TNRC6B: variants seen among roughly 807,000 people sequenced by gnomAD.
The protein encoded by TNRC6B is trinucleotide repeat containing adaptor 6B.
Under a neutral mutation model 203.6 loss-of-function variants are expected in TNRC6B, and 52 were observed. That is an observed-to-expected ratio of 0.26 (90% CI 0.20 to 0.32). TNRC6B has a LOEUF of 0.32. TNRC6B is among the 10% of genes least tolerant of loss of function. The pLI is 1.00. For synonymous variants in TNRC6B, 838 were observed against 845.7 expected (o/e 0.99, Z 0.16); for missense variants, 1,923 against 2,286.2 (o/e 0.84, Z 3.24).
intron 1 of TNRC6B, among the ~76,000 whole-genome samples, chr22:40,186,051 A>C (rs1182352637): frequency 6.6e-6 from 1 of 152,134 alleles, no homozygotes; most frequent in Non-Finnish European, 1.5e-5. Flanking sequence ...GTGGAGATAA[A>C]GACTTGGAAG....
chr22:40,298,232 T>C (rs992367200), intron 12 of TNRC6B, among the ~76,000 whole-genome samples: 25 of 152,336 alleles, frequency 1.6e-4, no homozygotes, highest in African/African-American at 5.3e-4. Flanking sequence ...TTAAATATTA[T>C]AGATTTTAAC....
intron 1 of TNRC6B, among the ~76,000 whole-genome samples, chr22:40,196,887 T>C (rs927015960): frequency 3.3e-5 from 5 of 152,068 alleles, no homozygotes; most frequent in African/African-American, 1.2e-4. Context: ...CTGCACACAC[T>C]TCCATTACCT....
intron 1 of TNRC6B, among the ~76,000 whole-genome samples, chr22:40,069,185 T>C (rs1378887286): frequency 2.0e-5 from 3 of 152,076 alleles, no homozygotes; most frequent in African/African-American, 7.3e-5. Context: ...GCATGCAGCC[T>C]CAAATTCGTG....
chr22:40,151,846 G>A (rs1468655301), intron 3 of TNRC6B, among the ~76,000 whole-genome samples: 2 of 143,168 alleles, frequency 1.4e-5, no homozygotes, highest in African/African-American at 2.7e-5. Context: ...CAAAAATGAA[G>A]AAAGAGAAAG....
intron 22 of TNRC6B, among the ~76,000 whole-genome samples, chr22:40,321,978 G>A (rs2071340016): frequency 1.3e-5 from 2 of 152,126 alleles, no homozygotes; most frequent in South Asian, 4.1e-4. Context: ...CTGGTGGACG[G>A]AGAAGACCTG....
At chr22:40,311,805 A>G (rs898452885) in intron 17 of TNRC6B, among the ~76,000 whole-genome samples, 5 of 152,204 alleles carry the variant, frequency 3.3e-5, no homozygotes, top group African/African-American at 1.2e-4. Context: ...GGCCTCCCAA[A>G]GTGCCGGGAT....
At chr22:40,080,230 A>G (rs1369652968) in intron 1 of TNRC6B, among the ~76,000 whole-genome samples, 1 of 149,682 alleles carries the variant, frequency 6.7e-6, no homozygotes, top group Non-Finnish European at 1.5e-5. Context: ...GGCATGAGCT[A>G]CCATGCCCAG....
At chr22:40,308,363 C>T in intron 15 of TNRC6B, 149 bp from the exon 16 acceptor site, 1 of 904,670 alleles carries the variant, frequency 1.1e-6, no homozygotes, top group Non-Finnish European at 1.8e-6. Flanking sequence ...GAGCCAAGAT[C>T]AAAGCTTGGA....
At position 40,301,057 on chromosome 22, in the gene TNRC6B, G is replaced by A. The variant is rs371250090; in HGVS notation, c.3936+52G>A. The stretch of plus-strand genomic sequence containing the variant: ...GTGCTGTGTTGGAGGAGTACATCCC[G>A]GCTTAGCCTCTGATGGCAAAGAACC... On this transcript the variant is annotated intron_variant, in intron 14 of 22. Coordinates refer to ENST00000454349, the MANE Select transcript of TNRC6B (RefSeq NM_001162501.2). The A allele has an allele frequency of 1.6e-4, 250 of 1,583,932 alleles. 3 individuals are homozygous for A. In the African/African-American group the frequency reaches 3.0e-3, roughly 19 times the overall value.
intron 1 of TNRC6B, among the ~76,000 whole-genome samples, chr22:40,061,694 G>T (rs991067443): frequency 2.0e-5 from 3 of 150,890 alleles, no homozygotes; most frequent in African/African-American, 7.3e-5. Context: ...GTATTTCTTT[G>T]TGTATTATTT....
intron 4 of TNRC6B, among the ~76,000 whole-genome samples, chr22:40,159,209 C>T (rs2068849608): frequency 2.0e-5 from 3 of 151,230 alleles, no homozygotes; most frequent in Admixed American, 6.6e-5. Context: ...GTGATCTGCC[C>T]GCCTCGGCCT....
chr22:40,322,751 A>T lies in TNRC6B; in HGVS notation c.5115-103A>T, dbSNP rs192519186. On this transcript the variant is annotated intron_variant, in intron 22 of 22. Transcript: ENST00000454349. ...AGCGTTCATGGATATGGCAGCTTCT[A>T]GTCAAAGGACTGCACATTGAATGTC... The T allele has an allele frequency of 2.6e-5, 36 of 1,362,802 alleles. No homozygotes were observed. In the Admixed American group the frequency reaches 3.5e-4, roughly 13 times the overall value. The allele number at this position is 1,362,802 out of a possible 1,614,324, so 84.4% of individuals were successfully genotyped here.
intron 1 of TNRC6B, among the ~76,000 whole-genome samples, chr22:40,113,588 CTCAA>C (rs1447248879): frequency 1.3e-5 from 2 of 152,216 alleles, no homozygotes; most frequent in African/African-American, 4.8e-5. Flanking sequence ...AACTCGTGAG[CTCAA>C]TCAATCTGCC....
In TNRC6B at chr22:40,330,806, G is replaced by A. The variant is rs2071457315; in HGVS notation, c.*7565G>A. 1 of 152,626 alleles carries A rather than the reference G, an allele frequency of 6.6e-6. No individual in the cohort carries two copies. The highest frequency in any genetic ancestry group is 2.1e-4 in the South Asian group (1 of 4,824). The allele number at this position is 152,626 out of a possible 1,614,324, so 9.5% of individuals were successfully genotyped here. On this transcript the variant is annotated 3_prime_UTR_variant, in exon 23 of 23. Transcript: ENST00000454349. The stretch of plus-strand genomic sequence containing the variant: ...ACAGACGGTCAGCTTTAGTCATTAG[G>A]GAAGTCAAAGTTCCTCCTGGAAGTC...
At chr22:40,186,567 G>A (rs1374683396) in intron 1 of TNRC6B, among the ~76,000 whole-genome samples, 3 of 151,552 alleles carry the variant, frequency 2.0e-5, no homozygotes, top group Non-Finnish European at 2.9e-5. Flanking sequence ...GTGAAACCCC[G>A]TCTCTACTAA....
intron 3 of TNRC6B, among the ~76,000 whole-genome samples, chr22:40,152,806 AAAAT>A (rs2068770918): frequency 6.6e-6 from 1 of 151,926 alleles, no homozygotes; most frequent in South Asian, 2.1e-4. Context: ...GTGGGTAAAA[AAAAT>A]GTTTTTATGG....
At chr22:40,200,186 T>C (rs2069391400) in intron 1 of TNRC6B, among the ~76,000 whole-genome samples, 1 of 151,752 alleles carries the variant, frequency 6.6e-6, no homozygotes, top group Non-Finnish European at 1.5e-5. Context: ...CCTCAATGGT[T>C]CTGGGGAGAG....
At chr22:40,224,401 C>G (rs1207943324) in intron 1 of TNRC6B, among the ~76,000 whole-genome samples, 1 of 152,122 alleles carries the variant, frequency 6.6e-6, no homozygotes, top group Non-Finnish European at 1.5e-5. Flanking sequence ...ACTGTCTGTT[C>G]ATTTCCTTCA....
intron 1 of TNRC6B, among the ~76,000 whole-genome samples, chr22:40,097,467 G>A (rs959627830): frequency 8.6e-5 from 13 of 151,724 alleles, no homozygotes; most frequent in African/African-American, 2.9e-4. Flanking sequence ...CACCACACGC[G>A]GCCAATTTTT....
Sources: gnomAD v4.1 joint callset for allele counts (sites outside exome capture counted in the v4.1 genomes callset) on GRCh38, gnomAD v4.1.1 for gene constraint, MANE v1.5 for transcripts, NCBI Gene and HGNC (gene_info 2026-07-23, HGNC 2026-07-21) for gene names.